Variants in RBFOX3 observed in about 807,000 individuals in gnomAD.
The protein encoded by RBFOX3 is RNA binding protein fox-1 homolog 3.
RBFOX3 carries 17 observed loss-of-function variants against 48.7 expected under a neutral mutation model. That is an observed-to-expected ratio of 0.35 (90% CI 0.24 to 0.52). The LOEUF (loss-of-function observed/expected upper bound fraction) is 0.52. RBFOX3 is among the 20% of genes least tolerant of loss of function. The pLI, the probability that RBFOX3 is intolerant of heterozygous loss-of-function variation, is 0.94. For synonymous variants in RBFOX3, 212 were observed against 209.5 expected (o/e 1.01, Z -0.10); for missense variants, 382 against 497.5 (o/e 0.77, Z 2.21).
At chr17:79,115,447 C>T in intron 5 of RBFOX3, 47 bp downstream of exon 5, 3 of 1,217,228 alleles carry the variant, frequency 2.5e-6, no homozygotes, top group South Asian at 2.8e-5. Flanking sequence ...GGTGGGTGCT[C>T]CTCCCTGAAG....
chr17:79,184,071 C>T (rs2052863824), intron 4 of RBFOX3, among the ~76,000 whole-genome samples: 1 of 152,240 alleles, frequency 6.6e-6, no homozygotes, highest in Non-Finnish European at 1.5e-5. Context: ...AGAGAAGCGC[C>T]TTTCCTAAGG....
chr17:79,342,355 G>GT lies in RBFOX3; in HGVS notation c.-174-34532dup, dbSNP rs990738202. Among the ~76,000 whole-genome samples the GT allele has an allele frequency of 3.9e-5, 6 of 152,294 alleles. No individual in the cohort carries two copies. In the South Asian group the frequency reaches 1.0e-3, roughly 26 times the overall value. ...ATTTGTATTTTGTTGGGCATTTGTT[G>GT]TTTTTTTCTCCTTTTGGCTGGTGGA... On this transcript the variant is annotated intron_variant, in intron 2 of 14. Transcript: ENST00000693108.
chr17:79,521,054 G>A (rs2085995881), intron 1 of RBFOX3, among the ~76,000 whole-genome samples: 1 of 152,224 alleles, frequency 6.6e-6, no homozygotes, highest in South Asian at 2.1e-4. Context: ...CTGGCTGTCT[G>A]GGAGGGGCCG....
chr17:79,092,575 C>CTGTT (rs2146125803), intron 14 of RBFOX3: 1 of 987,400 alleles, frequency 1.0e-6, no homozygotes, highest in East Asian at 1.1e-4. Context: ...AGTGTGAATG[C>CTGTT]TGTTAGGGGC....
At chr17:79,411,773 G>A (rs1806625891) in intron 2 of RBFOX3, among the ~76,000 whole-genome samples, 1 of 152,254 alleles carries the variant, frequency 6.6e-6, no homozygotes, top group Non-Finnish European at 1.5e-5. Flanking sequence ...CCAGGCCCCA[G>A]TCCTCGTGGA....
chr17:79,313,838 C>T (rs1240589302), intron 2 of RBFOX3, among the ~76,000 whole-genome samples: 2 of 152,218 alleles, frequency 1.3e-5, no homozygotes, highest in African/African-American at 4.8e-5. Flanking sequence ...CCACAACCCC[C>T]ACAAGACAAG....
At chr17:79,146,552 C>T (rs760230195) in intron 4 of RBFOX3, among the ~76,000 whole-genome samples, 1 of 152,214 alleles carries the variant, frequency 6.6e-6, no homozygotes, top group Admixed American at 6.5e-5. Flanking sequence ...ACATGCCATC[C>T]TGGTTCCAGG....
At chr17:79,167,033 T>C (rs948116328) in intron 4 of RBFOX3, among the ~76,000 whole-genome samples, 3 of 152,044 alleles carry the variant, frequency 2.0e-5, no homozygotes, top group Admixed American at 1.3e-4. Context: ...AGAGCCCAGC[T>C]CTCTCAAGAC....
At chr17:79,608,015 C>T (rs1054361696) in intron 1 of RBFOX3, among the ~76,000 whole-genome samples, 1 of 152,222 alleles carries the variant, frequency 6.6e-6, no homozygotes, top group African/African-American at 2.4e-5. Flanking sequence ...TTGAATGAGC[C>T]TCGGGAGCCC....
At chr17:79,368,745 G>A (rs1007139665) in intron 2 of RBFOX3, among the ~76,000 whole-genome samples, 1 of 152,206 alleles carries the variant, frequency 6.6e-6, no homozygotes, top group Non-Finnish European at 1.5e-5. Flanking sequence ...AGACACACGG[G>A]TGTCCGGGAG....
chr17:79,284,758 T>C (rs1296673851), intron 3 of RBFOX3, among the ~76,000 whole-genome samples: 1 of 152,096 alleles, frequency 6.6e-6, no homozygotes, highest in Non-Finnish European at 1.5e-5. Context: ...CAGGCTGGTG[T>C]CGAACTCCTG....
rs1178585120 is a variant in RBFOX3, at chr17:79,391,683, T to C, written c.-174-83859A>G. On this transcript the variant is annotated intron_variant, in intron 2 of 14. Coordinates refer to ENST00000693108, the MANE Select transcript of RBFOX3 (RefSeq NM_001350451.2). The surrounding 1 kb of genome is among the most constrained non-coding windows in gnomAD (Gnocchi z 5.0). ...GCGTGTGTACTTGCCTGCCTGTGCA[T>C]CCACATATATGTGCGTGTGAGCGTG... Among the ~76,000 whole-genome samples, 1 of 152,190 alleles carries C rather than the reference T, an allele frequency of 6.6e-6. No homozygotes were observed. The highest frequency in any genetic ancestry group is 2.4e-5 in the African/African-American group (1 of 41,446).
chr17:79,611,226 CGT>C (rs2093967189), upstream of RBFOX3, among the ~76,000 whole-genome samples: 1 of 126,348 alleles, frequency 7.9e-6, no homozygotes, highest in African/African-American at 3.9e-5. Flanking sequence ...TCCTCTGGCT[CGT>C]TCGGCTGGAG....
rs770714690 is a variant in RBFOX3 at position 79,477,370 on chromosome 17, C to T, written c.-175+5084G>A. ...AGGAGATCGAGATCATCCTGGCTAA[C>T]ACGGTGAAACCCCGTCTCTACTAAA... On this transcript the variant is annotated intron_variant, in intron 2 of 14. Transcript: ENST00000693108. This position sits in a 1 kb window ranked among gnomAD's most constrained non-coding sequence, Gnocchi z 4.8. Among the ~76,000 whole-genome samples, 1 of 150,166 alleles carries T rather than the reference C, an allele frequency of 6.7e-6. No individual in the cohort carries two copies. The highest frequency in any genetic ancestry group is 6.6e-5 in the Admixed American group (1 of 15,068).
At chr17:79,533,162 G>A (rs1400911530) in intron 1 of RBFOX3, among the ~76,000 whole-genome samples, 3 of 152,244 alleles carry the variant, frequency 2.0e-5, no homozygotes, top group South Asian at 2.1e-4. Flanking sequence ...ACCAGCTGGT[G>A]GGCAGCTGGG....
chr17:79,641,978 T>C, the RBFOX3 span, among the ~76,000 whole-genome samples: 1 of 152,160 alleles, frequency 6.6e-6, no homozygotes, highest in East Asian at 1.9e-4. Flanking sequence ...CCACCATGCT[T>C]CCTGTACAAC....
At chr17:79,367,986 G>A (rs573274934) in intron 2 of RBFOX3, among the ~76,000 whole-genome samples, 4 of 152,324 alleles carry the variant, frequency 2.6e-5, no homozygotes, top group Middle Eastern at 3.4e-3. Context: ...AACAACAACC[G>A]AGGGTCAGGG....
intron 2 of RBFOX3, among the ~76,000 whole-genome samples, chr17:79,356,357 T>G (rs1378230523): frequency 3.2e-5 from 2 of 62,940 alleles, no homozygotes; most frequent in Non-Finnish European, 6.0e-5. Context: ...AGTTTTTTTT[T>G]TTTTTTTTTT....
the RBFOX3 span, among the ~76,000 whole-genome samples, chr17:79,654,473 A>G: frequency 6.6e-6 from 1 of 152,252 alleles, no homozygotes; most frequent in Admixed American, 6.5e-5. Context: ...TAAAAGACTC[A>G]GCCCATGTTC....
Sources: gnomAD v4.1 joint callset for allele counts (sites outside exome capture counted in the v4.1 genomes callset) on GRCh38, gnomAD v4.1.1 for gene constraint, Gnocchi (gnomAD v3.1) non-coding constraint, MANE v1.5 for transcripts, NCBI Gene and HGNC (gene_info 2026-07-23, HGNC 2026-07-21) for gene names.